GABRP: variants seen among roughly 807,000 people sequenced by gnomAD.
The protein encoded by GABRP is gamma-aminobutyric acid receptor subunit pi.
GABRP carries 52 observed loss-of-function variants against 47.8 expected under a neutral mutation model. The observed-to-expected ratio is 1.09, with a 90% confidence interval of 0.87 to 1.37. The LOEUF is 1.37. Among genes scored for constraint, GABRP ranks in the 40% most tolerant of loss-of-function variants. The pLI is 0.00. For missense variants in GABRP, 525 were observed against 542.8 expected (o/e 0.97, Z 0.33); for synonymous variants, 221 against 205.8 (o/e 1.07, Z -0.63).
chr5:170,798,102 C>T lies in GABRP; in HGVS notation c.541+554C>T, dbSNP rs182257683. 2.3e-3 allele frequency among the ~76,000 whole-genome samples: 350 copies of T among 152,322 alleles called. 1 individual carries two copies. The highest frequency in any genetic ancestry group is 7.4e-3 in the African/African-American group (309 of 41,578). On this transcript the variant is annotated intron_variant, in intron 6 of 9. Coordinates refer to ENST00000265294, the MANE Select transcript of GABRP (RefSeq NM_014211.3). ...TGTCGCCCAAGCTGGACTGTGGTGG[C>T]GCGATCTCGGCTCACTGCAAGCTCT...
chr5:170,809,702 G>A lies in GABRP; in HGVS notation c.967G>A (p.Glu323Lys), dbSNP rs763359543. The A allele has an allele frequency of 2.5e-6, 4 of 1,612,528 alleles. No individual in the cohort carries two copies. The African/African-American group carries it at 5.3e-5, about 22-fold the overall frequency. ...CFSFVFGALL[E>K]YAVAHYSSLQ... Reference sequence around the variant, plus strand: ...TAGCTTTGTGTTTGGGGCCTTGCTAGAATATGCAGTTGCTCACTACAGTTC... The same window carrying A: ...TAGCTTTGTGTTTGGGGCCTTGCTAAAATATGCAGTTGCTCACTACAGTTC... The change falls in exon 9 of 10, where the codon GAA becomes AAA. Residue 323 changes from glutamate (E) to lysine (K), a missense_variant. Glu to Lys is a moderately conservative substitution (Grantham distance 56). Coordinates refer to ENST00000265294, the MANE Select transcript of GABRP (RefSeq NM_014211.3).
chr5:170,809,518 G>A, intron 8 of GABRP, 50 bp from the exon 9 acceptor site: 2 of 1,579,006 alleles, frequency 1.3e-6, no homozygotes, highest in Non-Finnish European at 1.7e-6. Flanking sequence ...AGGCTATGGT[G>A]GAGGACTAAC....
chr5:170,795,843 T>C (rs1765412295), intron 5 of GABRP, among the ~76,000 whole-genome samples: 1 of 151,986 alleles, frequency 6.6e-6, no homozygotes, highest in African/African-American at 2.4e-5. Flanking sequence ...GACAGAGAGG[T>C]GCATGCAAGG....
At chr5:170,794,065 TGAGAG>T (rs1355281947) in intron 3 of GABRP, among the ~76,000 whole-genome samples, 161 bp from the exon 4 acceptor site, 4 of 152,184 alleles carry the variant, frequency 2.6e-5, no homozygotes, top group African/African-American at 4.8e-5. Context: ...TGGTTACTCT[TGAGAG>T]GGGATAAGAA....
Position 170,794,208 on chromosome 5 carries a change from TTTC to T in GABRP, c.173-20_173-18del, listed in dbSNP as rs1765358836. ...ACAGCTCATGGTTGTGTTTCCATTC[TTTC>T]TTGTTTTTTTTTATCTTAGGAGAAC... On this transcript the variant is annotated intron_variant, in intron 3 of 9. Coordinates refer to ENST00000265294, the MANE Select transcript of GABRP (RefSeq NM_014211.3). The T allele has an allele frequency of 6.4e-7, 1 of 1,567,860 alleles. No homozygotes were observed. Among genetic ancestry groups the T allele is most frequent in the Non-Finnish European group, 8.8e-7 (1 of 1,141,274 alleles).
At chr5:170,802,944 C>G (rs1330266204) in intron 6 of GABRP, among the ~76,000 whole-genome samples, 1 of 152,190 alleles carries the variant, frequency 6.6e-6, no homozygotes, top group South Asian at 2.1e-4. Context: ...TAGAAAAGAA[C>G]TGATACCATC....
intron 3 of GABRP, among the ~76,000 whole-genome samples, chr5:170,791,152 C>T (rs1444024816): frequency 1.3e-5 from 2 of 152,192 alleles, no homozygotes; most frequent in Non-Finnish European, 2.9e-5. Context: ...CAACAAGGTG[C>T]AGGGTCCTTG....
Position 170,814,026 on chromosome 5 carries a change from A to G in GABRP, c.*1768A>G, listed in dbSNP as rs1011758454. 4.6e-5 allele frequency: 7 copies of G among 152,210 alleles called. No homozygotes were observed. The highest frequency in any genetic ancestry group is 1.0e-4 in the Non-Finnish European group (7 of 68,034). The allele number at this position is 152,210 out of a possible 1,614,324, so 9.4% of individuals were successfully genotyped here. A position where few individuals can be genotyped will look rare whatever the true frequency, so the allele number is the denominator to read the frequency against. ...AGATGTGAAACTGTGAAATAAATAT[A>G]CCATATTAGCTACCCACCAAATCAA... On this transcript the variant is annotated 3_prime_UTR_variant, in exon 10 of 10. Coordinates refer to ENST00000265294, the MANE Select transcript of GABRP (RefSeq NM_014211.3).
At chr5:170,787,682 A>G (rs1460657972) in intron 1 of GABRP, among the ~76,000 whole-genome samples, 5 of 152,136 alleles carry the variant, frequency 3.3e-5, no homozygotes, top group Admixed American at 2.0e-4. Flanking sequence ...TGTCCTTCCC[A>G]TGCACCTGTT....
chr5:170,807,705 T>G (rs1343090564), intron 7 of GABRP, among the ~76,000 whole-genome samples: 1 of 152,116 alleles, frequency 6.6e-6, no homozygotes, highest in Non-Finnish European at 1.5e-5. Context: ...ATCTCTAGGG[T>G]CTCACCAAGC....
At chr5:170,802,912 GT>G (rs1238682318) in intron 6 of GABRP, among the ~76,000 whole-genome samples, 2 of 152,138 alleles carry the variant, frequency 1.3e-5, no homozygotes. Flanking sequence ...CTCACTATGG[GT>G]TTTTTTCTAA....
At chr5:170,799,877 G>T (rs964949869) in intron 6 of GABRP, among the ~76,000 whole-genome samples, 2 of 152,068 alleles carry the variant, frequency 1.3e-5, no homozygotes, top group African/African-American at 4.8e-5. Context: ...CCATGCTCGT[G>T]GATAGGAAGA....
intron 6 of GABRP, among the ~76,000 whole-genome samples, chr5:170,800,486 T>A (rs1311441893): frequency 6.6e-6 from 1 of 152,136 alleles, no homozygotes; most frequent in African/African-American, 2.4e-5. Flanking sequence ...TGCAAAGCAC[T>A]GTGATAATAA....
At chr5:170,785,683 G>A (rs891521272) in intron 1 of GABRP, among the ~76,000 whole-genome samples, 1 of 152,170 alleles carries the variant, frequency 6.6e-6, no homozygotes, top group Admixed American at 6.5e-5. Flanking sequence ...GAGGAGTCTT[G>A]GAACTGAAGA....
intron 8 of GABRP, among the ~76,000 whole-genome samples, chr5:170,809,365 TA>T (rs1291600867): frequency 6.6e-6 from 1 of 150,958 alleles, no homozygotes; most frequent in Non-Finnish European, 1.5e-5. Flanking sequence ...CGTGAAACAT[TA>T]AAAAAAAACA....
chr5:170,797,548 TG>T lies in GABRP; in HGVS notation c.541+1del, dbSNP rs1765463497. The T allele has an allele frequency of 1.3e-6, 2 of 1,592,494 alleles. No homozygotes were observed. Among genetic ancestry groups the T allele is most frequent in the Non-Finnish European group, 1.7e-6 (2 of 1,160,410 alleles). On this transcript the variant is annotated splice_donor_variant, in intron 6 of 9. Transcript: ENST00000265294. LOFTEE classifies it high-confidence loss of function. ...GACATGCAAGTTGCAGCTGGAAAGC[TG>T]TAAGTATACATCCTACAGGCTCCTG... is the stretch of plus-strand genomic sequence containing the variant.
At chr5:170,798,231 C>T (rs1226741632) in intron 6 of GABRP, among the ~76,000 whole-genome samples, 1 of 152,130 alleles carries the variant, frequency 6.6e-6, no homozygotes. Flanking sequence ...TTAGTAGAGA[C>T]AGGGTTTCAC....
At chr5:170,811,910 T>C (rs756218387) in intron 9 of GABRP, 46 bp from the exon 10 acceptor site, 30 of 1,543,958 alleles carry the variant, frequency 1.9e-5, no homozygotes, top group Non-Finnish European at 2.6e-5. Context: ...CTTATTTATT[T>C]TGCTGAGTCA....
intron 8 of GABRP, among the ~76,000 whole-genome samples, chr5:170,809,338 C>A (rs147948530): frequency 3.2e-4 from 49 of 152,244 alleles, no homozygotes; most frequent in Admixed American, 5.9e-4. Flanking sequence ...ATCACCCCCT[C>A]CCAGGAGAAG....
Sources: gnomAD v4.1 joint callset for allele counts (sites outside exome capture counted in the v4.1 genomes callset) on GRCh38, gnomAD v4.1.1 for gene constraint, MANE v1.5 for transcripts, NCBI Gene and HGNC (gene_info 2026-07-23, HGNC 2026-07-21) for gene names.